ELOVL6: variants seen among roughly 807,000 people sequenced by gnomAD.
ELOVL6 encodes the protein very long chain fatty acid elongase 6.
Under a neutral mutation model 31.7 loss-of-function variants are expected in ELOVL6, and 8 were observed. The ratio of observed to expected loss-of-function variants is 0.25; its 90% CI spans 0.15 to 0.45. The LOEUF is 0.45. Among genes scored for constraint, ELOVL6 ranks in the 20% least tolerant of loss-of-function variants. ELOVL6 has a pLI of 1.00. For synonymous variants in ELOVL6, 101 were observed against 117.7 expected (o/e 0.86, Z 0.92); for missense variants, 126 against 326.4 (o/e 0.39, Z 4.73).
chr4:110,084,202 T>TATATATAACATATAACTTATATG (rs1560814518), intron 2 of ELOVL6, among the ~76,000 whole-genome samples: 54 of 79,516 alleles, frequency 6.8e-4, no homozygotes, highest in African/African-American at 3.2e-3. Flanking sequence ...ACTTATATGA[T>TATATATAACATATAACTTATATG]ATATATAACA....
At chr4:110,106,289 G>A (rs1756887886) in intron 1 of ELOVL6, among the ~76,000 whole-genome samples, 1 of 152,146 alleles carries the variant, frequency 6.6e-6, no homozygotes, top group Admixed American at 6.5e-5. Flanking sequence ...AGAAGGCAGA[G>A]GTTGCAATGA....
chr4:110,109,985 G>A (rs190302714), intron 1 of ELOVL6, among the ~76,000 whole-genome samples: 105 of 152,352 alleles, frequency 6.9e-4, no homozygotes, highest in African/African-American at 2.3e-3. Flanking sequence ...GCACCGCCCA[G>A]TTCAGCTGAT....
intron 1 of ELOVL6, among the ~76,000 whole-genome samples, chr4:110,131,515 G>C (rs1757669296): frequency 6.6e-6 from 1 of 152,034 alleles, no homozygotes; most frequent in Non-Finnish European, 1.5e-5. Flanking sequence ...TGGTTTACTT[G>C]TTTATTCAAA....
At chr4:110,180,860 T>C (rs113672179) in intron 1 of ELOVL6, among the ~76,000 whole-genome samples, 16 of 152,296 alleles carry the variant, frequency 1.1e-4, no homozygotes, top group African/African-American at 7.2e-5. Flanking sequence ...TCCAAGGCCA[T>C]GTGTGGTGGT....
At chr4:110,072,259 T>C (rs1755507946) in intron 2 of ELOVL6, among the ~76,000 whole-genome samples, 2 of 152,060 alleles carry the variant, frequency 1.3e-5, no homozygotes, top group African/African-American at 2.4e-5. Flanking sequence ...GTGTGGATCA[T>C]GAGGTCAAGA....
chr4:110,154,154 A>G, intron 1 of ELOVL6, among the ~76,000 whole-genome samples: 1 of 152,128 alleles, frequency 6.6e-6, no homozygotes, highest in East Asian at 1.9e-4. Flanking sequence ...ATGGCTCACC[A>G]CAGCCTTCAC....
chr4:110,052,855 G>T (rs1754870768), intron 3 of ELOVL6, among the ~76,000 whole-genome samples: 1 of 152,236 alleles, frequency 6.6e-6, no homozygotes, highest in African/African-American at 2.4e-5. Flanking sequence ...CTATGGTTAT[G>T]AGACATGGGA....
chr4:110,090,415 G>T (rs1285166330), intron 2 of ELOVL6, among the ~76,000 whole-genome samples: 1 of 152,002 alleles, frequency 6.6e-6, no homozygotes, highest in South Asian at 2.1e-4. Context: ...ACCCTTAAAA[G>T]ATGCAATTTA....
chr4:110,074,554 T>A (rs10033691), intron 2 of ELOVL6, among the ~76,000 whole-genome samples: 2 of 152,038 alleles, frequency 1.3e-5, no homozygotes, highest in Non-Finnish European at 2.9e-5. Flanking sequence ...GGATAAGACA[T>A]TAGGTACTGG....
intron 1 of ELOVL6, among the ~76,000 whole-genome samples, chr4:110,181,651 A>C (rs1285834431): frequency 5.9e-5 from 9 of 152,192 alleles, no homozygotes; most frequent in Non-Finnish European, 1.3e-4. Flanking sequence ...GAGAGAAAAT[A>C]AAATAAAATG....
At chr4:110,082,425 T>C (rs1375043132) in intron 2 of ELOVL6, among the ~76,000 whole-genome samples, 1 of 151,838 alleles carries the variant, frequency 6.6e-6, no homozygotes, top group Non-Finnish European at 1.5e-5. Flanking sequence ...TAAAAAATGA[T>C]GAGTTCATGT....
chr4:110,090,600 C>CTTTTTTGTTTTTTTTTTTTTTTT (rs1553956743), intron 2 of ELOVL6, among the ~76,000 whole-genome samples: 6 of 103,714 alleles, frequency 5.8e-5, no homozygotes, highest in Non-Finnish European at 9.1e-5. Context: ...GTTTGACTTT[C>CTTTTTTGTTTTTTTTTTTTTTTT]TTTTTTTTTT....
In ELOVL6 at chr4:110,154,341, C is replaced by T. The variant is rs148397554; in HGVS notation, c.89+43906G>A. Among the ~76,000 whole-genome samples the T allele has an allele frequency of 6.9e-4, 105 of 152,262 alleles. No homozygotes were observed. The East Asian group carries it at 0.01, about 15-fold the overall frequency. ...TGCGCTATCAGCTCACTGCAGCCTC[C>T]GCCTCCCAGGTTCAGGTGATTCTCC... On this transcript the variant is annotated intron_variant, in intron 1 of 3. Transcript: ENST00000302274.
At chr4:110,073,854 C>T (rs558533957) in intron 2 of ELOVL6, among the ~76,000 whole-genome samples, 1 of 152,348 alleles carries the variant, frequency 6.6e-6, no homozygotes, top group South Asian at 2.1e-4. Context: ...ATCTCTCTCA[C>T]TTTCTGGCTT....
At chr4:110,082,301 T>C (rs1384878515) in intron 2 of ELOVL6, among the ~76,000 whole-genome samples, 1 of 152,068 alleles carries the variant, frequency 6.6e-6, no homozygotes, top group Non-Finnish European at 1.5e-5. Flanking sequence ...ACACATATGT[T>C]TATTGCGGCA....
At chr4:110,157,584 T>C (rs1041073286) in intron 1 of ELOVL6, among the ~76,000 whole-genome samples, 1 of 152,020 alleles carries the variant, frequency 6.6e-6, no homozygotes, top group Admixed American at 6.6e-5. Context: ...GGCAGGAGAA[T>C]TGCTTGAACC....
chr4:110,169,353 C>G (rs1370614452), intron 1 of ELOVL6, among the ~76,000 whole-genome samples: 1 of 151,704 alleles, frequency 6.6e-6, no homozygotes, highest in African/African-American at 2.4e-5. Context: ...ATTCTCCTGC[C>G]TTAGCCTCCC....
At chr4:110,182,003 C>T (rs762829232) in intron 1 of ELOVL6, among the ~76,000 whole-genome samples, 10 of 152,206 alleles carry the variant, frequency 6.6e-5, no homozygotes, top group South Asian at 2.1e-4. Context: ...ACTCCAGGTA[C>T]GTGTGCAGCA....
intron 1 of ELOVL6, among the ~76,000 whole-genome samples, chr4:110,120,346 A>T (rs201291797): frequency 4.0e-5 from 2 of 50,454 alleles, no homozygotes; most frequent in Non-Finnish European, 3.8e-5. Flanking sequence ...AATAAAAAAT[A>T]AAAAAGTAAA....
Sources: gnomAD v4.1 joint callset for allele counts (sites outside exome capture counted in the v4.1 genomes callset) on GRCh38, gnomAD v4.1.1 for gene constraint, MANE v1.5 for transcripts, NCBI Gene and HGNC (gene_info 2026-07-23, HGNC 2026-07-21) for gene names.